COL4A5: variants seen among roughly 807,000 people sequenced by gnomAD.
COL4A5 encodes the protein collagen type IV alpha 5 chain, also known as collagen alpha-5(IV) chain.
In COL4A5, 26 loss-of-function variants were observed where a neutral mutation model predicts 130.2. The observed-to-expected ratio is 0.20, with a 90% CI of 0.15 to 0.28. The LOEUF (loss-of-function observed/expected upper bound fraction) is 0.28. Among genes scored for constraint, COL4A5 ranks in the 10% least tolerant of loss-of-function variants. The pLI is 1.00. For synonymous variants in COL4A5, 496 were observed against 439.6 expected (o/e 1.13, Z -1.60); for missense variants, 1,131 against 1,344.3 (o/e 0.84, Z 2.48).
At chrX:108,510,052 A>G (rs1222213251) in intron 1 of COL4A5, among the ~76,000 whole-genome samples, 7 of 112,494 alleles carry the variant, frequency 6.2e-5, no homozygotes, top group Non-Finnish European at 9.4e-5. Flanking sequence ...AACTAATGCC[A>G]GAACAGAATA....
At chrX:108,538,416 T>C (rs1406430468) in intron 1 of COL4A5, among the ~76,000 whole-genome samples, 1 of 111,262 alleles carries the variant, frequency 9.0e-6, no homozygotes, top group Non-Finnish European at 1.9e-5. Context: ...GTAGTGTGAG[T>C]GAGAGATTAC....
At chrX:108,655,216 C>A in intron 36 of COL4A5, 115 bp from the exon 37 acceptor site, 1 of 821,254 alleles carries the variant, frequency 1.2e-6, no homozygotes, top group Non-Finnish European at 1.8e-6. Flanking sequence ...CAATTTACAT[C>A]AAGTACTTAC....
At chrX:108,536,972 C>G (rs1450683458) in intron 1 of COL4A5, among the ~76,000 whole-genome samples, 2 of 110,855 alleles carry the variant, frequency 1.8e-5, no homozygotes, top group African/African-American at 6.5e-5. Context: ...CCTGAAAATA[C>G]CCAGTTACTT....
At chrX:108,626,375 C>A in intron 36 of COL4A5, 26 bp downstream of exon 36, 1 of 1,208,720 alleles carries the variant, frequency 8.3e-7, no homozygotes, top group African/African-American at 1.7e-5. Flanking sequence ...TAGTTTTAGG[C>A]ACATACTTGA....
intron 1 of COL4A5, among the ~76,000 whole-genome samples, chrX:108,443,844 C>T (rs988606943): frequency 9.0e-6 from 1 of 111,663 alleles, no homozygotes; most frequent in Non-Finnish European, 1.9e-5. Context: ...CATATATTTG[C>T]CCACTAATTT....
chrX:108,600,970 C>CG (rs1453733916), intron 25 of COL4A5, among the ~76,000 whole-genome samples: 2 of 111,329 alleles, frequency 1.8e-5, no homozygotes, highest in Admixed American at 1.9e-4. Flanking sequence ...TTGTTGTATC[C>CG]GGTCCCTCAG....
chrX:108,622,602 T>A lies in COL4A5; in HGVS notation c.2768-74T>A, dbSNP rs186934008. The A allele has an allele frequency of 6.2e-5, 68 of 1,101,764 alleles. No individual in the cohort carries two copies. The African/African-American group carries it at 8.3e-4, about 13-fold the overall frequency. The allele number at this position is 1,101,764 out of a possible 1,213,427, so 90.8% of individuals were successfully genotyped here. A position where few individuals can be genotyped will look rare whatever the true frequency, so the allele number is the denominator to read the frequency against. Reference sequence around the variant, plus strand: ...GTGGCCTACTCAACTATGAAACATATCAATAATCTTTATATGCATTAATCT... The same window carrying A: ...GTGGCCTACTCAACTATGAAACATAACAATAATCTTTATATGCATTAATCT... On this transcript the variant is annotated intron_variant, in intron 32 of 52. Coordinates refer to ENST00000328300, the MANE Select transcript of COL4A5 (RefSeq NM_033380.3).
chrX:108,696,413 GATAT>G lies in COL4A5; in HGVS notation c.*47_*50del. On this transcript the variant is annotated 3_prime_UTR_variant, in exon 53 of 53. Transcript: ENST00000328300. ...GAATTCCTTTTGTGTTTTAAAATGT[GATAT>G]ATATATATATAAAATTCCTAGGATG... 2 of 1,029,903 alleles carry G rather than the reference GATAT, an allele frequency of 1.9e-6. No homozygotes were observed. Among genetic ancestry groups the G allele is most frequent in the Non-Finnish European group, 2.7e-6 (2 of 739,740 alleles). 84.9% of individuals were successfully genotyped at this position (1,029,903 alleles called of 1,213,427 possible).
At chrX:108,696,236 C>T in intron 52 of COL4A5, 61 bp from the exon 53 acceptor site, 3 of 933,826 alleles carry the variant, frequency 3.2e-6, no homozygotes, top group Non-Finnish European at 4.7e-6. Context: ...AAATTTGAAC[C>T]AGTAACAGAA....
At chrX:108,645,371 A>G (rs1338858474) in intron 36 of COL4A5, among the ~76,000 whole-genome samples, 1 of 111,823 alleles carries the variant, frequency 8.9e-6, no homozygotes, top group South Asian at 3.7e-4. Context: ...CATCATTAAG[A>G]AATGACACAG....
Position 108,580,775 on chromosome X carries a change from A to G in COL4A5, c.891+37A>G, listed in dbSNP as rs2294543. Reference sequence around the variant, plus strand: ...AACTGCTAATATTCTTTGCAAAAAAATTCTAAATGTGTGTGTGTGTGATTT... The same window carrying G: ...AACTGCTAATATTCTTTGCAAAAAAGTTCTAAATGTGTGTGTGTGTGATTT... On this transcript the variant is annotated intron_variant, in intron 15 of 52. Transcript: ENST00000328300. 0.025 allele frequency: 28,991 copies of G among 1,140,709 alleles called. 2,709 individuals are homozygous for G. In the African/African-American group the frequency reaches 0.34, roughly 13 times the overall value. 94.0% of individuals were successfully genotyped at this position (1,140,709 alleles called of 1,213,427 possible).
intron 24 of COL4A5, 47 bp from the exon 25 acceptor site, chrX:108,598,655 T>C: frequency 9.0e-7 from 1 of 1,107,365 alleles, no homozygotes; most frequent in South Asian, 1.8e-5. Flanking sequence ...AACCTACAGA[T>C]AGTTGTTGTA....
At chrX:108,674,549 G>C (rs2068268166) in intron 42 of COL4A5, 196 bp from the exon 43 acceptor site, 1 of 361,587 alleles carries the variant, frequency 2.8e-6, no homozygotes, top group Non-Finnish European at 4.7e-6. Context: ...AAAAAGTTTG[G>C]CTCTCTATAC....
intron 25 of COL4A5, among the ~76,000 whole-genome samples, chrX:108,600,354 A>G (rs777224117): frequency 3.6e-5 from 4 of 111,170 alleles, no homozygotes; most frequent in African/African-American, 9.8e-5. Flanking sequence ...AAAATTATCA[A>G]TCTTTTCTCT....
chrX:108,566,671 C>T (rs761863622), intron 4 of COL4A5, among the ~76,000 whole-genome samples: 2 of 110,720 alleles, frequency 1.8e-5, no homozygotes, highest in Non-Finnish European at 3.8e-5. Context: ...GCCTCAGCCT[C>T]CCGAGTAGCT....
chrX:108,479,472 C>T (rs1312733366), intron 1 of COL4A5, among the ~76,000 whole-genome samples: 2 of 112,170 alleles, frequency 1.8e-5, no homozygotes, highest in Non-Finnish European at 3.8e-5. Flanking sequence ...TAGAAAGGGA[C>T]CGTAGTGTTG....
intron 1 of COL4A5, among the ~76,000 whole-genome samples, chrX:108,473,633 A>ATATATTTTTTTTTTTT: frequency 2.0e-4 from 7 of 34,567 alleles, no homozygotes; most frequent in African/African-American, 7.6e-4. Flanking sequence ...ATATATATAT[A>ATATATTTTTTTTTTTT]TTTTTTTTTT....
chrX:108,598,777 C>A lies in COL4A5; in HGVS notation c.1855C>A (p.Pro619Thr). ...GLPGLPGNIG[P>T]MGPPGFGPPG... ...ACCAGGCCTCCCAGGGAATATAGGG[C>A]CTATGGGTCCCCCTGGTTTCGGCCC... The change falls in exon 25 of 53, where the codon CCT becomes ACT. Residue 619 changes from proline (P) to threonine (T), a missense_variant. Pro to Thr is a conservative substitution (Grantham distance 38). Transcript: ENST00000328300. 2 of 1,209,947 alleles carry A rather than the reference C, an allele frequency of 1.7e-6. No individual in the cohort carries two copies. The highest frequency in any genetic ancestry group is 2.2e-6 in the Non-Finnish European group (2 of 894,043).
chrX:108,448,302 T>A (rs986173408), intron 1 of COL4A5, among the ~76,000 whole-genome samples: 1 of 112,662 alleles, frequency 8.9e-6, no homozygotes, highest in Non-Finnish European at 1.9e-5. Context: ...ACAAGCAAGT[T>A]CTATTCTGGT....
Sources: allele counts gnomAD v4.1 joint callset (sites outside exome capture counted in the v4.1 genomes callset), GRCh38; gene constraint gnomAD v4.1.1; transcripts MANE v1.5; gene names NCBI Gene and HGNC (gene_info 2026-07-23, HGNC 2026-07-21).